STAB1: variants seen among roughly 807,000 people sequenced by gnomAD.
STAB1 encodes stabilin-1.
STAB1 carries 250 observed loss-of-function variants against 332.4 expected under a neutral mutation model. That is an observed-to-expected ratio of 0.75 (90% CI 0.68 to 0.84). STAB1 has a LOEUF of 0.84. STAB1 is among the 40% of genes least tolerant of loss of function. The pLI is 0.00. For missense variants in STAB1, 3,249 were observed against 3,489.7 expected (o/e 0.93, Z 1.74); for synonymous variants, 1,475 against 1,390.4 (o/e 1.06, Z -1.35).
In STAB1 at chr3:52,520,279, C is replaced by T. The variant is rs758659569; in HGVS notation, c.5488C>T (p.Arg1830Ter). The T allele has an allele frequency of 3.0e-5, 48 of 1,612,984 alleles. No individual in the cohort carries two copies. The highest frequency in any genetic ancestry group is 6.7e-5 in the Admixed American group (4 of 60,016). Residue 1830 changes from arginine to a stop codon, truncating the protein, a stop_gained, in exon 52 of 69, where the codon CGA becomes TGA. Transcript: ENST00000321725. LOFTEE classifies it high-confidence loss of function. ...GACCCCCATCTCTTTCTCCTGCAGCCGAACGCGGGCCGTGAGTCTGGGGAG... is the reference window on the plus strand; with the variant it reads ...GACCCCCATCTCTTTCTCCTGCAGCTGAACGCGGGCCGTGAGTCTGGGGAG... The part of the protein sequence containing the change: ...HGTPISFSCS[R>*]TRAGELMVGE...
intron 39 of STAB1, 24 bp from the exon 40 acceptor site, chr3:52,516,518 C>A (rs1159232916): frequency 1.2e-6 from 2 of 1,613,306 alleles, no homozygotes; most frequent in African/African-American, 1.3e-5. Flanking sequence ...TCTGAATGAC[C>A]AGAGTCATCC....
chr3:52,518,431 AGGG>A, intron 46 of STAB1, 72 bp downstream of exon 46: 1 of 1,580,546 alleles, frequency 6.3e-7, no homozygotes, highest in South Asian at 1.1e-5. Flanking sequence ...CCATCTGGTC[AGGG>A]GGTTGGCTGG....
chr3:52,516,388 G>C lies in STAB1; in HGVS notation c.4177G>C (p.Gly1393Arg). 1 of 1,609,904 alleles carries C rather than the reference G, an allele frequency of 6.2e-7. No homozygotes were observed. Among genetic ancestry groups the C allele is most frequent in the African/African-American group, 1.3e-5 (1 of 74,982 alleles). ...CDCAHGLCQEGLQGDGSCVCN... is the reference protein window; with the variant it reads ...CDCAHGLCQERLQGDGSCVCN... ...CTGTGCCCATGGGCTGTGCCAGGAG[G>C]GGCTGCAAGGGGACGGAAGCTGTGT... Residue 1393 changes from glycine to arginine, a missense_variant, in exon 39 of 69, where the codon GGG becomes CGG. Transcript: ENST00000321725.
intron 16 of STAB1, 102 bp downstream of exon 16, chr3:52,506,038 C>T (rs1034220469): frequency 1.5e-5 from 23 of 1,535,140 alleles, no homozygotes; most frequent in Admixed American, 3.6e-5. Flanking sequence ...TCTCCCTTCC[C>T]TTCTCATCTG....
intron 5 of STAB1, among the ~76,000 whole-genome samples, 194 bp from the exon 6 acceptor site, chr3:52,502,438 C>T (rs1287499105): frequency 6.6e-6 from 1 of 152,242 alleles, no homozygotes; most frequent in Non-Finnish European, 1.5e-5. Flanking sequence ...CCAGGAAGCC[C>T]TCTGTGAGCC....
intron 22 of STAB1, 25 bp from the exon 23 acceptor site, chr3:52,509,845 C>T (rs2153233440): frequency 6.2e-7 from 1 of 1,612,334 alleles, no homozygotes; most frequent in Non-Finnish European, 8.5e-7. Context: ...TTCTCAGTTT[C>T]CTTGCTCCCA....
rs1462004430 is a variant in STAB1, at chr3:52,504,156, G to T, written c.1150+1G>T. On this transcript the variant is annotated splice_donor_variant, in intron 10 of 68. Coordinates refer to ENST00000321725, the MANE Select transcript of STAB1 (RefSeq NM_015136.3). LOFTEE classifies it high-confidence loss of function. ...CTGAGGGTCGCCGTGGCCATGATGG[G>T]TGCGTGACCCCACTGCTTGCCCACG... The T allele has an allele frequency of 6.3e-7, 1 of 1,586,550 alleles. No individual in the cohort carries two copies.
Position 52,505,029 on chromosome 3 carries a change from G to T in STAB1, c.1404G>T (p.Gln468His). The T allele has an allele frequency of 6.2e-7, 1 of 1,613,818 alleles. No homozygotes were observed. Residue 468 changes from glutamine to histidine, a missense_variant, in exon 13 of 69, where the codon CAG becomes CAT. Gln to His is a conservative substitution (Grantham distance 24). Transcript: ENST00000321725. ...AATACTCCTACAAGTACAAAGACCAGCCCCAGCAGACGTTCAACATCTACA... is the reference window on the plus strand; with the variant it reads ...AATACTCCTACAAGTACAAAGACCATCCCCAGCAGACGTTCAACATCTACA... The part of the protein sequence containing the change: ...FTKYSYKYKD[Q>H]PQQTFNIYKA...
Position 52,523,490 on chromosome 3 carries a change from A to G in STAB1, c.7204A>G (p.Ser2402Gly). Residue 2402 changes from serine to glycine, a missense_variant, in exon 65 of 69, where the codon AGC becomes GGC. Ser to Gly is a moderately conservative substitution (Grantham distance 56). Coordinates refer to ENST00000321725, the MANE Select transcript of STAB1 (RefSeq NM_015136.3). ...CGCCACCCTCCTAAGTGCCAACGCC[A>G]GCCAGGGGAAGTTGCTTCCGGCCCA... ...SNATLLSANA[S>G]QGKLLPAHSG... is the part of the protein sequence containing the mutation. 6.2e-7 allele frequency: 1 copy of G among 1,612,440 alleles called. No homozygotes were observed. Among genetic ancestry groups the G allele is most frequent in the Non-Finnish European group, 8.5e-7 (1 of 1,179,614 alleles).
chr3:52,523,178 C>T (rs773285201), intron 63 of STAB1, 44 bp downstream of exon 63: 8 of 1,611,770 alleles, frequency 5.0e-6, no homozygotes, highest in African/African-American at 2.7e-5. Context: ...CTGGGATCCC[C>T]GAGGAGGGAG....
Position 52,521,476 on chromosome 3 carries a change from C to T in STAB1, c.6024C>T (p.Leu2008=). The change falls in exon 56 of 69, where the codon CTC becomes CTT. Residue 2008 remains leucine (L), a synonymous_variant. Coordinates refer to ENST00000321725, the MANE Select transcript of STAB1 (RefSeq NM_015136.3). ...GTTTTGCTGGGACAGCCTGTGAACT[C>T]TGTGCTCCTGGTGCCTTTGGGCCCC... is the stretch of plus-strand genomic sequence containing the variant. ...RSGFAGTACE[L]CAPGAFGPHC... is the part of the protein sequence containing the mutation. The T allele has an allele frequency of 6.2e-7, 1 of 1,614,020 alleles. No homozygotes were observed. Among genetic ancestry groups the T allele is most frequent in the Non-Finnish European group, 8.5e-7 (1 of 1,180,020 alleles).
Position 52,509,928 on chromosome 3 carries a change from GCAGGGCA to G in STAB1, c.2408_2414del (p.Gln803ArgfsTer108). 2 of 1,613,074 alleles carry G rather than the reference GCAGGGCA, an allele frequency of 1.2e-6. No homozygotes were observed. Among genetic ancestry groups the G allele is most frequent in the Non-Finnish European group, 1.7e-6 (2 of 1,180,028 alleles). On this transcript the variant is annotated frameshift_variant, in exon 23 of 69. Transcript: ENST00000321725. LOFTEE classifies it high-confidence loss of function. ...GCCCAGGCAGTGGGGGGGTGTGCCA[GCAGGGCA>G]CGTGTGCCCCTGGCTTCAGTGGCCG...
Position 52,505,387 on chromosome 3 carries a change from C to G in STAB1, c.1581+6C>G, listed in dbSNP as rs1708777781. 6.2e-7 allele frequency: 1 copy of G among 1,612,828 alleles called. No individual in the cohort carries two copies. The highest frequency in any genetic ancestry group is 1.3e-5 in the African/African-American group (1 of 75,036). ...GCTTTGAAACCATCCTGGAGGTAAG[C>G]TCGGGGGAGGGGTCCTAGCCCATGT... On this transcript the variant is annotated splice_donor_region_variant and intron_variant, in intron 14 of 68. Transcript: ENST00000321725.
chr3:52,517,108 G>T lies in STAB1; in HGVS notation c.4488G>T (p.Gln1496His). 6.5e-7 allele frequency: 1 copy of T among 1,546,170 alleles called. No homozygotes were observed. The highest frequency in any genetic ancestry group is 8.7e-7 in the Non-Finnish European group (1 of 1,147,362). Reference sequence around the variant, plus strand: ...ACATGGGCGACGGGGAGCTGTGCCAGGGTGAGACTAGGCCCCTAACCTGGG... The same window carrying T: ...ACATGGGCGACGGGGAGCTGTGCCATGGTGAGACTAGGCCCCTAACCTGGG... ...DGYMGDGELC[Q>H]EINSCLIHHG... The change falls in exon 42 of 69, where the codon CAG becomes CAT. Residue 1496 changes from glutamine to histidine, a missense_variant and splice_region_variant. Gln to His is a conservative substitution (Grantham distance 24). Coordinates refer to ENST00000321725, the MANE Select transcript of STAB1 (RefSeq NM_015136.3).
intron 48 of STAB1, 117 bp downstream of exon 48, chr3:52,518,986 C>T (rs2078978610): frequency 7.9e-7 from 1 of 1,264,244 alleles, no homozygotes; most frequent in African/African-American, 1.5e-5. Flanking sequence ...AGCCAGGGGG[C>T]GCCTCCTGCT....
chr3:52,520,454 T>C lies in STAB1; in HGVS notation c.5554T>C (p.Phe1852Leu). 6.2e-7 allele frequency: 1 copy of C among 1,612,766 alleles called. No homozygotes were observed. Among genetic ancestry groups the C allele is most frequent in the Non-Finnish European group, 8.5e-7 (1 of 1,179,868 alleles). Residue 1852 changes from phenylalanine to leucine, a missense_variant, in exon 53 of 69, where the codon TTT becomes CTT. By Grantham distance (22) the Phe-to-Leu change is conservative. Coordinates refer to ENST00000321725, the MANE Select transcript of STAB1 (RefSeq NM_015136.3). The part of the protein sequence containing the change: ...DARIVQRHLP[F>L]EGGLAYGIDQ... ...TCGCATTGTGCAGCGGCACTTGCCCTTTGAGGGTGGCCTGGCCTATGGCAT... is the reference window on the plus strand; with the variant it reads ...TCGCATTGTGCAGCGGCACTTGCCCCTTGAGGGTGGCCTGGCCTATGGCAT...
intron 16 of STAB1, 62 bp downstream of exon 16, chr3:52,505,998 G>A: frequency 6.2e-7 from 1 of 1,600,386 alleles, no homozygotes; most frequent in Non-Finnish European, 8.5e-7. Flanking sequence ...TGCAGGTTCT[G>A]GACTTCCCCA....
At chr3:52,519,006 C>T (rs1049568214) in intron 48 of STAB1, 137 bp downstream of exon 48, 2 of 1,150,426 alleles carry the variant, frequency 1.7e-6, no homozygotes, top group African/African-American at 3.1e-5. Flanking sequence ...TGAGTCCAGC[C>T]CGGGACTCCG....
At chr3:52,516,490 G>A (rs2078869153) in intron 39 of STAB1, 39 bp downstream of exon 39, 2 of 1,613,482 alleles carry the variant, frequency 1.2e-6, no homozygotes, top group Non-Finnish European at 1.7e-6. Context: ...GGTGGCTACT[G>A]AGGAGGCTGT....
Sources: allele counts gnomAD v4.1 joint callset (sites outside exome capture counted in the v4.1 genomes callset), GRCh38; gene constraint gnomAD v4.1.1; transcripts MANE v1.5; gene names NCBI Gene and HGNC (gene_info 2026-07-23, HGNC 2026-07-21).